The following ZNF469 variants were observed in gnomAD, a reference collection of about 807,000 sequenced individuals.
ZNF469 encodes zinc finger protein 469.
Under a neutral mutation model 1.0 loss-of-function variants are expected in ZNF469, and 1 was observed. The ratio of observed to expected loss-of-function variants is 1.00; its 90% CI spans 0.35 to 4.73. The LOEUF is 4.73. Among genes scored for constraint, ZNF469 ranks in the 30% most tolerant of loss-of-function variants. The pLI is 0.16. For synonymous variants in ZNF469, 2,703 were observed against 2,363.4 expected, an observed-to-expected ratio of 1.14 and a Z score of -4.17; for missense variants, 6,100 against 5,356.3, an observed-to-expected ratio of 1.14 and a Z score of -4.33.
At chr16:88,179,095 C>T in the ZNF469 span, among the ~76,000 whole-genome samples, 5 of 152,156 alleles carry the variant, frequency 3.3e-5, no homozygotes, top group Non-Finnish European at 4.4e-5. Context: ...TAATTTTGTC[C>T]GGAGCAGTCA....
the ZNF469 span, among the ~76,000 whole-genome samples, chr16:88,181,629 T>C: frequency 6.6e-6 from 1 of 152,206 alleles, no homozygotes; most frequent in African/African-American, 2.4e-5. Context: ...AAAATACATA[T>C]GACAATTTGT....
chr16:88,229,026 C>T, the ZNF469 span, among the ~76,000 whole-genome samples: 1 of 152,284 alleles, frequency 6.6e-6, no homozygotes, highest in African/African-American at 2.4e-5. Flanking sequence ...ATCTGCAGTC[C>T]ACGGTCAACA....
At chr16:88,340,924 G>C in the ZNF469 span, among the ~76,000 whole-genome samples, 6 of 152,118 alleles carry the variant, frequency 3.9e-5, no homozygotes, top group African/African-American at 1.4e-4. Context: ...GCCTCGCAGA[G>C]AGCCCTGGGG....
chr16:88,397,792 T>C (rs1904734229), intron 1 of ZNF469, among the ~76,000 whole-genome samples: 1 of 152,122 alleles, frequency 6.6e-6, no homozygotes, highest in Non-Finnish European at 1.5e-5. Context: ...GTGGAGAATG[T>C]TGGAAATCCC....
the ZNF469 span, among the ~76,000 whole-genome samples, chr16:88,244,697 ATAGATGAATTGATGGGTGGATGGGTAAG>A: frequency 8.9e-6 from 1 of 112,772 alleles, no homozygotes; most frequent in Non-Finnish European, 1.7e-5. Context: ...TTATGGATGG[ATAGATGAATTGATGGGTGGATGGGTAAG>A]TGGATGAGTG....
the ZNF469 span, among the ~76,000 whole-genome samples, chr16:88,241,111 G>T: frequency 6.6e-6 from 1 of 152,198 alleles, no homozygotes; most frequent in Non-Finnish European, 1.5e-5. This position sits in a 1 kb window ranked among gnomAD's most constrained non-coding sequence, Gnocchi z 4.8. Context: ...GCTCACGCCT[G>T]TAATCCCAGG....
the ZNF469 span, among the ~76,000 whole-genome samples, chr16:88,307,218 G>C: frequency 6.6e-6 from 1 of 152,376 alleles, no homozygotes; most frequent in East Asian, 1.9e-4. Flanking sequence ...CTGCTGAGTA[G>C]ATAGACCACA....
chr16:88,289,279 GTGATGGTGATGA>G, the ZNF469 span, among the ~76,000 whole-genome samples: 1 of 142,332 alleles, frequency 7.0e-6, no homozygotes, highest in Non-Finnish European at 1.5e-5. Context: ...GATGGTGAGG[GTGATGGTGATGA>G]TGATGGTGAT....
chr16:88,437,508 C>T lies in ZNF469; in HGVS notation c.10038C>T (p.Phe3346=), dbSNP rs901820309. The T allele has an allele frequency of 6.5e-7, 1 of 1,542,396 alleles. No homozygotes were observed. Among genetic ancestry groups the T allele is most frequent in the Non-Finnish European group, 8.8e-7 (1 of 1,141,706 alleles). The change falls in exon 3 of 3, where the codon TTC becomes TTT. Residue 3346 remains phenylalanine, a synonymous_variant. Coordinates refer to ENST00000565624, the MANE Select transcript of ZNF469 (RefSeq NM_001367624.2). ...SRDCHHCGKR[F]PKPFKLQRHL... ...ACTGCCACCACTGCGGGAAGCGCTT[C>T]CCCAAGCCCTTCAAGCTGCAGCGCC...
the ZNF469 span, among the ~76,000 whole-genome samples, chr16:88,168,006 C>T: frequency 1.3e-5 from 2 of 152,220 alleles, no homozygotes; most frequent in Non-Finnish European, 2.9e-5. The surrounding 1 kb of genome is among the most constrained non-coding windows in gnomAD (Gnocchi z 4.3). Flanking sequence ...CGGGCGGGTC[C>T]CCCTCCACCC....
chr16:88,256,904 T>TCTCTCTCTCTCTCTCTCTCTCTCTCTCTC, the ZNF469 span, among the ~76,000 whole-genome samples: 1 of 15,840 alleles, frequency 6.3e-5, no homozygotes, highest in Non-Finnish European at 1.3e-4. Context: ...CCTTCTTTCT[T>TCTCTCTCTCTCTCTCTCTCTCTCTCTCTC]TCTTTCTTTC....
chr16:88,138,922 A>G, the ZNF469 span, among the ~76,000 whole-genome samples: 23,881 of 152,248 alleles, frequency 0.16, 3,152 homozygotes, highest in African/African-American at 0.35. Context: ...GCTATTCACC[A>G]TTCGGCTGCC....
At chr16:88,153,665 C>T in the ZNF469 span, among the ~76,000 whole-genome samples, 5 of 152,376 alleles carry the variant, frequency 3.3e-5, no homozygotes, top group East Asian at 1.9e-4. Flanking sequence ...CACACAGCCC[C>T]GGGTGCCTGA....
At chr16:88,209,318 T>A in the ZNF469 span, among the ~76,000 whole-genome samples, 1 of 151,308 alleles carries the variant, frequency 6.6e-6, no homozygotes, top group Admixed American at 6.6e-5. Flanking sequence ...TGAGATGGAG[T>A]CTTGCTCTGT....
chr16:88,117,211 G>A, the ZNF469 span, among the ~76,000 whole-genome samples: 151 of 151,086 alleles, frequency 1.0e-3, 3 homozygotes, highest in East Asian at 0.028. Context: ...CCGGGGACAC[G>A]TGAGAGCTGG....
the ZNF469 span, among the ~76,000 whole-genome samples, chr16:88,249,596 C>T: frequency 4.4e-4 from 67 of 151,944 alleles, 1 homozygote; most frequent in Middle Eastern, 3.4e-3. Flanking sequence ...GCCACCACGC[C>T]GGGCCAATTT....
intron 1 of ZNF469, among the ~76,000 whole-genome samples, chr16:88,412,424 C>T (rs866049486): frequency 6.6e-6 from 1 of 152,194 alleles, no homozygotes; most frequent in Non-Finnish European, 1.5e-5. Context: ...ACTGCAGGCA[C>T]CTCGCTTAAC....
At chr16:88,143,138 G>T in the ZNF469 span, among the ~76,000 whole-genome samples, 14 of 152,142 alleles carry the variant, frequency 9.2e-5, no homozygotes, top group African/African-American at 3.4e-4. Context: ...CCCTGGGGGG[G>T]TGGGGGGCTC....
At chr16:88,376,833 G>C in the ZNF469 span, among the ~76,000 whole-genome samples, 1 of 152,316 alleles carries the variant, frequency 6.6e-6, no homozygotes, top group African/African-American at 2.4e-5. Context: ...TCCCAGAGAG[G>C]CTCCTAGGGC....
Sources: gnomAD v4.1 joint callset for allele counts (sites outside exome capture counted in the v4.1 genomes callset) on GRCh38, gnomAD v4.1.1 for gene constraint, Gnocchi (gnomAD v3.1) non-coding constraint, MANE v1.5 for transcripts, NCBI Gene and HGNC (gene_info 2026-07-23, HGNC 2026-07-21) for gene names.